ZFHX3: variants seen among roughly 807,000 people sequenced by gnomAD.
ZFHX3 encodes the protein zinc finger homeobox 3.
In ZFHX3, 42 loss-of-function variants were observed where a neutral mutation model predicts 279.1. That is an observed-to-expected ratio of 0.15 (90% confidence interval 0.12 to 0.19). ZFHX3 has a LOEUF of 0.19. Among genes scored for constraint, ZFHX3 ranks in the 10% least tolerant of loss-of-function variants. ZFHX3 has a pLI of 1.00. For synonymous variants in ZFHX3, 2,293 were observed against 1,957.8 expected (o/e 1.17, Z -4.52); for missense variants, 4,981 against 4,754.0 (o/e 1.05, Z -1.40).
At chr16:72,939,200 C>T (rs1425304647) in intron 3 of ZFHX3, among the ~76,000 whole-genome samples, 1 of 152,162 alleles carries the variant, frequency 6.6e-6, no homozygotes, top group Non-Finnish European at 1.5e-5. Flanking sequence ...GCAGGGGACT[C>T]CTCAGCTGGG....
intron 3 of ZFHX3, among the ~76,000 whole-genome samples, chr16:72,938,817 CT>C (rs778823959): frequency 2.6e-5 from 4 of 152,174 alleles, no homozygotes; most frequent in Non-Finnish European, 5.9e-5. Flanking sequence ...TCTTCCTCCG[CT>C]GACAGCTGCA....
At chr16:73,442,651 C>T (rs572316099) in intron 3 of ZFHX3, among the ~76,000 whole-genome samples, 1 of 152,170 alleles carries the variant, frequency 6.6e-6, no homozygotes, top group East Asian at 1.9e-4. Context: ...TAAAAGAGAC[C>T]TGTTTCTTCA....
rs1960203235 is a variant in ZFHX3, at chr16:72,937,826, GA to G, written c.3216+12642del. Among the ~76,000 whole-genome samples, 4 of 152,158 alleles carry G rather than the reference GA, an allele frequency of 2.6e-5. No homozygotes were observed. In the South Asian group the frequency reaches 8.3e-4, roughly 31 times the overall value. ...TTTTTGGTTTGTTTGTCCTATGCAC[GA>G]CTTTTTCAGTTTTCCAACAATCACT... is the stretch of plus-strand genomic sequence containing the variant. On this transcript the variant is annotated intron_variant, in intron 3 of 9. Coordinates refer to ENST00000268489, the MANE Select transcript of ZFHX3 (RefSeq NM_006885.4).
chr16:73,255,547 A>G (rs1178062268), intron 5 of ZFHX3, among the ~76,000 whole-genome samples: 1 of 152,192 alleles, frequency 6.6e-6, no homozygotes, highest in Non-Finnish European at 1.5e-5. Context: ...TATATTCTTA[A>G]GGCTCCAATT....
intron 1 of ZFHX3, among the ~76,000 whole-genome samples, chr16:73,738,648 G>A (rs1444626669): frequency 4.6e-5 from 7 of 152,306 alleles, no homozygotes; most frequent in East Asian, 3.9e-4. Context: ...AAAAGGGGAC[G>A]TTTCATGGTG....
intron 5 of ZFHX3, among the ~76,000 whole-genome samples, chr16:73,204,913 G>C (rs534192104): frequency 1.3e-5 from 2 of 152,252 alleles, no homozygotes; most frequent in South Asian, 4.1e-4. Context: ...TGCTGAGTTT[G>C]GATTTCAATC....
chr16:72,852,066 C>T (rs1277036590), intron 4 of ZFHX3, among the ~76,000 whole-genome samples: 2 of 152,158 alleles, frequency 1.3e-5, no homozygotes, highest in African/African-American at 4.8e-5. Flanking sequence ...GGAACTACTT[C>T]TGTATGAAAG....
chr16:73,087,778 A>G (rs569243545), intron 8 of ZFHX3, among the ~76,000 whole-genome samples: 35 of 151,968 alleles, frequency 2.3e-4, no homozygotes, highest in African/African-American at 8.2e-4. Flanking sequence ...AATGTCTTAA[A>G]TTGTAAGGGA....
At chr16:73,405,259 T>G (rs550579079) in intron 3 of ZFHX3, among the ~76,000 whole-genome samples, 2 of 152,324 alleles carry the variant, frequency 1.3e-5, no homozygotes, top group South Asian at 4.1e-4. Flanking sequence ...TTTTTAAATT[T>G]AGGGGCCAGA....
chr16:73,603,731 C>T (rs566766578), intron 2 of ZFHX3, among the ~76,000 whole-genome samples: 2 of 149,536 alleles, frequency 1.3e-5, no homozygotes, highest in East Asian at 2.0e-4. Context: ...GAATATTTTG[C>T]AATCAATATG....
intron 1 of ZFHX3, among the ~76,000 whole-genome samples, chr16:73,053,692 C>T (rs1449400191): frequency 6.6e-6 from 1 of 152,188 alleles, no homozygotes; most frequent in African/African-American, 2.4e-5. Context: ...GGACGAGGCA[C>T]AGCCACGCGA....
rs143860095 is a variant in ZFHX3, at chr16:72,827,150, C to T, written c.3529+2629G>A. 5.9e-3 allele frequency among the ~76,000 whole-genome samples: 891 copies of T among 152,280 alleles called. 3 individuals are homozygous for T. The highest frequency in any genetic ancestry group is 0.01 in the Non-Finnish European group (693 of 68,020). ...ACATACGCACCAAACATCATTCGCA[C>T]GATCCCATTAAATGCTTGTATGTTG... On this transcript the variant is annotated intron_variant, in intron 5 of 9. Coordinates refer to ENST00000268489, the MANE Select transcript of ZFHX3 (RefSeq NM_006885.4).
intron 2 of ZFHX3, among the ~76,000 whole-genome samples, chr16:73,594,458 T>C (rs2052028542): frequency 1.3e-5 from 2 of 152,214 alleles, no homozygotes; most frequent in African/African-American, 4.8e-5. Context: ...GAGATTTTAT[T>C]AGTGCAAATT....
intron 6 of ZFHX3, among the ~76,000 whole-genome samples, chr16:73,140,413 G>T (rs985090210): frequency 1.3e-5 from 2 of 152,142 alleles, no homozygotes; most frequent in Admixed American, 6.5e-5. Flanking sequence ...ACCTCTAATG[G>T]CTATCATTGG....
chr16:73,120,142 T>C (rs1353664013), intron 7 of ZFHX3, among the ~76,000 whole-genome samples: 1 of 152,184 alleles, frequency 6.6e-6, no homozygotes, highest in African/African-American at 2.4e-5. Flanking sequence ...CTCAAGGCTC[T>C]TTCTGTCCCT....
At chr16:73,882,091 G>T (rs2030186328) in intron 1 of ZFHX3, among the ~76,000 whole-genome samples, 1 of 152,148 alleles carries the variant, frequency 6.6e-6, no homozygotes, top group African/African-American at 2.4e-5. Flanking sequence ...AACGGCATTA[G>T]TAATTCCACT....
chr16:73,850,380 T>G (rs1961564715), intron 1 of ZFHX3, among the ~76,000 whole-genome samples: 1 of 152,206 alleles, frequency 6.6e-6, no homozygotes, highest in Admixed American at 6.5e-5. Flanking sequence ...ATTTTTAAAG[T>G]TAGGCTTGCT....
intron 2 of ZFHX3, among the ~76,000 whole-genome samples, chr16:73,546,754 T>G (rs891918646): frequency 2.4e-5 from 3 of 126,102 alleles, no homozygotes; most frequent in East Asian, 2.2e-4. Context: ...TTTTTCGGCT[T>G]CTTCTTCTCC....
At chr16:73,253,176 G>C (rs974011729) in intron 5 of ZFHX3, among the ~76,000 whole-genome samples, 3 of 152,140 alleles carry the variant, frequency 2.0e-5, no homozygotes, top group Non-Finnish European at 4.4e-5. Flanking sequence ...CCGTGGCCTG[G>C]CTGAGATGTA....
Sources: gnomAD v4.1 joint callset for allele counts (sites outside exome capture counted in the v4.1 genomes callset) on GRCh38, gnomAD v4.1.1 for gene constraint, MANE v1.5 for transcripts, NCBI Gene and HGNC (gene_info 2026-07-23, HGNC 2026-07-21) for gene names.